The following GRID2 variants were observed in gnomAD, a reference collection of about 807,000 sequenced individuals.
The protein encoded by GRID2 is glutamate receptor ionotropic, delta-2.
In GRID2, 33 loss-of-function variants were observed where a neutral mutation model predicts 114.8. The observed-to-expected ratio is 0.29, with a 90% CI of 0.22 to 0.38. The LOEUF (loss-of-function observed/expected upper bound fraction) is 0.38. Among genes scored for constraint, GRID2 ranks in the 10% least tolerant of loss-of-function variants. The probability of loss-of-function intolerance (pLI) is 1.00; values close to 1 mark genes in which losing one functional copy is unlikely to be tolerated. For synonymous variants in GRID2, 505 were observed against 449.9 expected, an observed-to-expected ratio of 1.12 and a Z score of -1.55; for missense variants, 1,184 against 1,257.7, an observed-to-expected ratio of 0.94 and a Z score of 0.89.
chr4:92,832,622 G>T lies in GRID2; in HGVS notation c.244+242336G>T, dbSNP rs574876688. ...TTGGCCAGGCTGGTCTCAAAATCCC[G>T]ACCTCAGGTGATCCACCCACCTTGA... On this transcript the variant is annotated intron_variant, in intron 2 of 15. Transcript: ENST00000282020. Among the ~76,000 whole-genome samples, 15 of 152,148 alleles carry T rather than the reference G, an allele frequency of 9.9e-5. 1 individual carries two copies. Among genetic ancestry groups the T allele is most frequent in the African/African-American group, 3.6e-4 (15 of 41,518 alleles).
At chr4:93,408,441 G>T (rs143217558) in intron 9 of GRID2, among the ~76,000 whole-genome samples, 11 of 151,786 alleles carry the variant, frequency 7.2e-5, no homozygotes, top group African/African-American at 2.7e-4. Flanking sequence ...TTATAGGCAG[G>T]GTAGGTGTAA....
At chr4:93,244,145 A>G (rs1419023083) in intron 8 of GRID2, among the ~76,000 whole-genome samples, 1 of 152,030 alleles carries the variant, frequency 6.6e-6, no homozygotes, top group African/African-American at 2.4e-5. Context: ...TGCTGCTCAC[A>G]TATTATTGCA....
chr4:92,635,796 C>T (rs918495978), intron 2 of GRID2, among the ~76,000 whole-genome samples: 1 of 151,988 alleles, frequency 6.6e-6, no homozygotes, highest in Non-Finnish European at 1.5e-5. Flanking sequence ...CATGTTGCTA[C>T]CAATTAATCC....
chr4:93,474,917 G>A (rs533844629), intron 11 of GRID2, among the ~76,000 whole-genome samples: 2 of 152,182 alleles, frequency 1.3e-5, no homozygotes, highest in African/African-American at 4.8e-5. Flanking sequence ...TTAACAAATA[G>A]AGGCTTTCAT....
At chr4:93,155,792 G>GA (rs1330702479) in intron 4 of GRID2, among the ~76,000 whole-genome samples, 1 of 151,656 alleles carries the variant, frequency 6.6e-6, no homozygotes, top group Non-Finnish European at 1.5e-5. Context: ...ATACAGGAGA[G>GA]AAAAATGACA....
chr4:92,625,704 C>CTAA (rs1219807994), intron 2 of GRID2, among the ~76,000 whole-genome samples: 1 of 151,710 alleles, frequency 6.6e-6, no homozygotes, highest in Non-Finnish European at 1.5e-5. Context: ...ATCAAGTGGG[C>CTAA]TAATAAATGT....
At chr4:93,601,338 T>G (rs939834846) in intron 13 of GRID2, among the ~76,000 whole-genome samples, 2 of 152,170 alleles carry the variant, frequency 1.3e-5, no homozygotes, top group Non-Finnish European at 2.9e-5. Context: ...CTCCTATACA[T>G]CATATCCTAC....
At chr4:92,644,381 A>T (rs927400654) in intron 2 of GRID2, among the ~76,000 whole-genome samples, 6 of 151,800 alleles carry the variant, frequency 4.0e-5, no homozygotes, top group Non-Finnish European at 7.4e-5. Flanking sequence ...AATAAACAAG[A>T]TGAAGAATTT....
chr4:93,449,855 T>A (rs1312906949), intron 10 of GRID2, among the ~76,000 whole-genome samples: 1 of 151,936 alleles, frequency 6.6e-6, no homozygotes, highest in South Asian at 2.1e-4. Flanking sequence ...TAAAATAAAG[T>A]TGACATAATG....
At chr4:93,232,611 C>T (rs558169688) in intron 7 of GRID2, among the ~76,000 whole-genome samples, 22 of 149,860 alleles carry the variant, frequency 1.5e-4, no homozygotes, top group Admixed American at 3.3e-4. Flanking sequence ...TCTTAATTGA[C>T]CAATTTCTGT....
chr4:92,719,516 C>T (rs1341848965), intron 2 of GRID2, among the ~76,000 whole-genome samples: 1 of 152,032 alleles, frequency 6.6e-6, no homozygotes, highest in Non-Finnish European at 1.5e-5. Flanking sequence ...CATTAAAAAA[C>T]AACATTGCTT....
At chr4:93,614,187 A>T (rs1741327226) in intron 13 of GRID2, among the ~76,000 whole-genome samples, 1 of 152,160 alleles carries the variant, frequency 6.6e-6, no homozygotes, top group Non-Finnish European at 1.5e-5. Context: ...CGGTGCGTGC[A>T]CCCACTGGCC....
rs148856571 is a variant in GRID2 at position 92,587,475 on chromosome 4, T to G, written c.89-2656T>G. On this transcript the variant is annotated intron_variant, in intron 1 of 15. Coordinates refer to ENST00000282020, the MANE Select transcript of GRID2 (RefSeq NM_001510.4). The stretch of plus-strand genomic sequence containing the variant: ...GATCCTTCCTGTGGAACTAATCACA[T>G]TGTTTTCAGAATGCTTGTGTTGAAG... Among the ~76,000 whole-genome samples the G allele has an allele frequency of 2.6e-5, 4 of 152,230 alleles. No homozygotes were observed. In the East Asian group the frequency reaches 7.7e-4, roughly 29 times the overall value.
intron 13 of GRID2, among the ~76,000 whole-genome samples, chr4:93,517,422 G>A (rs1275687400): frequency 1.3e-5 from 2 of 152,000 alleles, no homozygotes; most frequent in African/African-American, 4.8e-5. Flanking sequence ...ATACCATGTT[G>A]ATTCAGTTTT....
chr4:93,594,422 C>T (rs1738799802), intron 13 of GRID2, among the ~76,000 whole-genome samples: 1 of 152,218 alleles, frequency 6.6e-6, no homozygotes, highest in Non-Finnish European at 1.5e-5. Context: ...CTCAGATCTC[C>T]AGCTGCGTAC....
intron 1 of GRID2, among the ~76,000 whole-genome samples, chr4:92,523,108 G>A (rs1333110068): frequency 6.6e-6 from 1 of 151,830 alleles, no homozygotes; most frequent in Non-Finnish European, 1.5e-5. Context: ...GGCAAAGATG[G>A]GTAAGAATAG....
At chr4:93,357,007 A>T (rs1332604956) in intron 8 of GRID2, among the ~76,000 whole-genome samples, 1 of 151,772 alleles carries the variant, frequency 6.6e-6, no homozygotes, top group South Asian at 2.1e-4. Flanking sequence ...ATAATTTGGA[A>T]TATCTATATT....
chr4:93,036,569 AT>A (rs1724955140), intron 2 of GRID2, among the ~76,000 whole-genome samples: 1 of 152,160 alleles, frequency 6.6e-6, no homozygotes, highest in South Asian at 2.1e-4. Context: ...TTCCTTTATT[AT>A]TTTTGCTAAT....
At chr4:92,511,530 T>C (rs1325114415) in intron 1 of GRID2, among the ~76,000 whole-genome samples, 2 of 151,872 alleles carry the variant, frequency 1.3e-5, no homozygotes, top group African/African-American at 4.8e-5. Flanking sequence ...TACAAACTGG[T>C]ACTCTTTCAG....
Sources: gnomAD v4.1 joint callset for allele counts (sites outside exome capture counted in the v4.1 genomes callset) on GRCh38, gnomAD v4.1.1 for gene constraint, MANE v1.5 for transcripts, NCBI Gene and HGNC (gene_info 2026-07-23, HGNC 2026-07-21) for gene names.